Variants in ERC1 observed in about 807,000 individuals in gnomAD.
The protein encoded by ERC1 is ELKS/RAB6-interacting/CAST family member 1, also known as RAB6 interacting protein 2.
A neutral mutation model predicts 132.0 loss-of-function variants in ERC1; 56 were observed. The ratio of observed to expected loss-of-function variants is 0.42; its 90% CI spans 0.34 to 0.53. ERC1 has a LOEUF of 0.53. Ranked by LOEUF, ERC1 falls within the 20% of genes least tolerant of loss-of-function variation. The pLI, the probability that ERC1 is intolerant of heterozygous loss-of-function variation, is 0.03. For missense variants in ERC1, 1,202 were observed against 1,349.9 expected (o/e 0.89, Z 1.72); for synonymous variants, 478 against 476.1 (o/e 1.00, Z -0.05).
chr12:1,007,420 G>A (rs187724639), intron 1 of ERC1, among the ~76,000 whole-genome samples: 8 of 151,578 alleles, frequency 5.3e-5, no homozygotes, highest in South Asian at 2.1e-4. Flanking sequence ...GGATAGAGAC[G>A]CGTACAGAGT....
At chr12:1,318,819 T>C (rs1347873477) in intron 15 of ERC1, among the ~76,000 whole-genome samples, 1 of 152,042 alleles carries the variant, frequency 6.6e-6, no homozygotes, top group Non-Finnish European at 1.5e-5. Flanking sequence ...CTGCAGAGCG[T>C]GTGGGTCTCT....
In ERC1 at chr12:1,139,192, T is replaced by C. The variant is rs117869415; in HGVS notation, c.1570-2428T>C. Among the ~76,000 whole-genome samples, 216 of 152,330 alleles carry C rather than the reference T, an allele frequency of 1.4e-3. 1 individual carries two copies. The highest frequency in any genetic ancestry group is 8.5e-3 in the East Asian group (44 of 5,184). On this transcript the variant is annotated intron_variant, in intron 7 of 18. Transcript: ENST00000360905. Reference sequence around the variant, plus strand: ...TCCCAGATTTTAAGTTAAGCTTTTTTTTAGGTAGTGTGATGAAATCTTATG... The same window carrying C: ...TCCCAGATTTTAAGTTAAGCTTTTTCTTAGGTAGTGTGATGAAATCTTATG...
At position 1,344,540 on chromosome 12, in the gene ERC1, C is replaced by T. The variant is rs1022185498; in HGVS notation, c.2781-27293C>T. On this transcript the variant is annotated intron_variant, in intron 15 of 18. Coordinates refer to ENST00000360905, the MANE Select transcript of ERC1 (RefSeq NM_178040.4). ...TAACAAAGCTGACAATCCTCAGCCA[C>T]ACAAATCTTGGGAACTAAAATAAGT... Among the ~76,000 whole-genome samples the T allele has an allele frequency of 6.6e-4, 101 of 152,110 alleles. 1 individual carries two copies. The highest frequency in any genetic ancestry group is 2.3e-3 in the African/African-American group (97 of 41,434).
chr12:1,287,421 AGTATTCTGG>A (rs1178104722), intron 14 of ERC1, among the ~76,000 whole-genome samples: 2 of 152,198 alleles, frequency 1.3e-5, no homozygotes, highest in African/African-American at 4.8e-5. Flanking sequence ...TTGCTCCGAC[AGTATTCTGG>A]GTGTTTCTGT....
chr12:1,252,260 T>G (rs775811801), intron 13 of ERC1, among the ~76,000 whole-genome samples: 7 of 152,216 alleles, frequency 4.6e-5, no homozygotes, highest in African/African-American at 9.6e-5. Context: ...GAAGCAGGTA[T>G]GCAAATAGTC....
chr12:1,179,891 A>G (rs1954213402), intron 8 of ERC1, among the ~76,000 whole-genome samples: 1 of 152,240 alleles, frequency 6.6e-6, no homozygotes, highest in Admixed American at 6.5e-5. Context: ...ATGTAAGTGT[A>G]TATGAATGAA....
chr12:1,159,690 TA>T (rs555767375), intron 8 of ERC1, among the ~76,000 whole-genome samples: 5 of 152,362 alleles, frequency 3.3e-5, no homozygotes, highest in African/African-American at 1.2e-4. Flanking sequence ...TTGCTTTGGT[TA>T]TTTTTTCTGA....
chr12:1,157,307 G>T (rs1026669475), intron 8 of ERC1, among the ~76,000 whole-genome samples: 8 of 152,196 alleles, frequency 5.3e-5, no homozygotes, highest in African/African-American at 1.7e-4. Context: ...GTTTTGCCAT[G>T]TGGCCCAGGC....
At chr12:1,169,083 A>T (rs1480466848) in intron 8 of ERC1, among the ~76,000 whole-genome samples, 5 of 152,244 alleles carry the variant, frequency 3.3e-5, no homozygotes, top group Non-Finnish European at 5.9e-5. Context: ...TCTAGGTTTT[A>T]CAAAATCATA....
intron 14 of ERC1, among the ~76,000 whole-genome samples, chr12:1,282,210 AGTG>A (rs2078727454): frequency 6.6e-6 from 1 of 152,172 alleles, no homozygotes; most frequent in South Asian, 2.1e-4. Flanking sequence ...AGCAGCGCTC[AGTG>A]TGTACAGCAG....
chr12:1,071,221 G>A (rs899246277), intron 2 of ERC1, among the ~76,000 whole-genome samples: 1 of 152,194 alleles, frequency 6.6e-6, no homozygotes, highest in Non-Finnish European at 1.5e-5. Context: ...ATACCTAAGG[G>A]TGGAATTCCT....
chr12:1,008,169 T>C (rs1377921915), intron 1 of ERC1, among the ~76,000 whole-genome samples: 1 of 152,216 alleles, frequency 6.6e-6, no homozygotes, highest in Non-Finnish European at 1.5e-5. Flanking sequence ...ATAGGACGTT[T>C]CTGTAATCAG....
chr12:1,467,917 G>A (rs1343732268), intron 18 of ERC1, among the ~76,000 whole-genome samples: 1 of 152,210 alleles, frequency 6.6e-6, no homozygotes. Context: ...GATCTGACAA[G>A]AGACGGAACT....
chr12:1,019,414 C>T (rs902301513), intron 1 of ERC1, among the ~76,000 whole-genome samples: 2 of 152,240 alleles, frequency 1.3e-5, no homozygotes, highest in South Asian at 2.1e-4. Flanking sequence ...TATGAGCCAC[C>T]GTGCCCAGCC....
chr12:1,024,352 G>A (rs1015783243), intron 1 of ERC1, among the ~76,000 whole-genome samples: 6 of 152,112 alleles, frequency 3.9e-5, no homozygotes, highest in African/African-American at 1.2e-4. Context: ...CTGCACTCCA[G>A]CCTGGGTGAC....
At chr12:1,053,728 AAACTTT>A (rs1381715958) in intron 2 of ERC1, among the ~76,000 whole-genome samples, 1 of 152,206 alleles carries the variant, frequency 6.6e-6, no homozygotes, top group Non-Finnish European at 1.5e-5. Flanking sequence ...CTCATTAACT[AAACTTT>A]AAGAAAAGAG....
At chr12:1,007,541 T>TCTGTGTGTGTGTG (rs1491105823) in intron 1 of ERC1, among the ~76,000 whole-genome samples, 2 of 4,100 alleles carry the variant, frequency 4.9e-4, no homozygotes, top group African/African-American at 1.7e-3. Context: ...TCTCTCTCTC[T>TCTGTGTGTGTGTG]GTGTGTGTGT....
chr12:1,094,741 C>T (rs1943790956), intron 3 of ERC1, among the ~76,000 whole-genome samples: 6 of 152,108 alleles, frequency 3.9e-5, no homozygotes. Flanking sequence ...CATCATTTGT[C>T]CTTCATTTCC....
intron 15 of ERC1, among the ~76,000 whole-genome samples, chr12:1,291,762 G>A (rs1001474126): frequency 3.9e-5 from 6 of 152,234 alleles, no homozygotes; most frequent in East Asian, 1.9e-4. Context: ...ATTTTTGAGC[G>A]TCTGTTACAG....
Sources: allele counts gnomAD v4.1 joint callset (sites outside exome capture counted in the v4.1 genomes callset), GRCh38; gene constraint gnomAD v4.1.1; transcripts MANE v1.5; gene names NCBI Gene and HGNC (gene_info 2026-07-23, HGNC 2026-07-21).